DYNC1I1: variants seen among roughly 807,000 people sequenced by gnomAD.
The protein encoded by DYNC1I1 is dynein cytoplasmic 1 intermediate chain 1.
DYNC1I1 carries 43 observed loss-of-function variants against 86.6 expected under a neutral mutation model. That is an observed-to-expected ratio of 0.50 (90% CI 0.39 to 0.64). The LOEUF is 0.64. DYNC1I1 is among the 30% of genes least tolerant of loss of function. DYNC1I1 has a pLI of 0.00. For synonymous variants in DYNC1I1, 262 were observed against 283.7 expected (o/e 0.92, Z 0.77); for missense variants, 604 against 788.8 (o/e 0.77, Z 2.81).
chr7:96,003,663 T>C (rs558382727), intron 10 of DYNC1I1, among the ~76,000 whole-genome samples: 1 of 152,270 alleles, frequency 6.6e-6, no homozygotes, highest in East Asian at 1.9e-4. Context: ...GATATGTGCA[T>C]GGGGGCCCTC....
intron 14 of DYNC1I1, among the ~76,000 whole-genome samples, chr7:96,060,188 G>A (rs139528155): frequency 5.3e-5 from 8 of 152,192 alleles, no homozygotes; most frequent in Admixed American, 3.3e-4. Flanking sequence ...AGCCACCTTC[G>A]TGACCCTGTG....
At chr7:96,067,243 CAG>C (rs1374580791) in intron 14 of DYNC1I1, among the ~76,000 whole-genome samples, 3 of 152,102 alleles carry the variant, frequency 2.0e-5, no homozygotes, top group Non-Finnish European at 4.4e-5. Context: ...TACCAGATAA[CAG>C]AGTGCATTTT....
At chr7:95,974,226 G>A (rs1297504507) in intron 6 of DYNC1I1, among the ~76,000 whole-genome samples, 3 of 151,850 alleles carry the variant, frequency 2.0e-5, no homozygotes, top group African/African-American at 7.3e-5. Context: ...TTTTTTATTT[G>A]TTTTTGGTTT....
intron 9 of DYNC1I1, among the ~76,000 whole-genome samples, chr7:95,989,863 G>A (rs1793687111): frequency 6.6e-6 from 1 of 152,174 alleles, no homozygotes. Flanking sequence ...TCACAACACT[G>A]TTGAGGGGTT....
chr7:96,014,986 C>CT (rs2115871049), intron 10 of DYNC1I1, among the ~76,000 whole-genome samples: 1 of 152,182 alleles, frequency 6.6e-6, no homozygotes, highest in East Asian at 1.9e-4. Context: ...GAACACCTTC[C>CT]TTTTTTTCAA....
chr7:96,043,117 C>T (rs1341138402), intron 14 of DYNC1I1, among the ~76,000 whole-genome samples: 2 of 148,132 alleles, frequency 1.4e-5, no homozygotes, highest in South Asian at 2.1e-4. Flanking sequence ...TGTAGTGAAC[C>T]GAGATCGTGC....
At chr7:96,011,530 G>A (rs1445951169) in intron 10 of DYNC1I1, among the ~76,000 whole-genome samples, 1 of 152,120 alleles carries the variant, frequency 6.6e-6, no homozygotes, top group African/African-American at 2.4e-5. Context: ...TTGCTCAGGA[G>A]AATTTTCACC....
At chr7:95,843,675 G>A (rs760013211) in intron 5 of DYNC1I1, among the ~76,000 whole-genome samples, 24 of 151,770 alleles carry the variant, frequency 1.6e-4, no homozygotes, top group Non-Finnish European at 2.7e-4. Flanking sequence ...GCAGCAGAGA[G>A]AAAAAAGGGA....
At chr7:96,098,606 G>A (rs1791079977), downstream of DYNC1I1, among the ~76,000 whole-genome samples, 1 of 152,180 alleles carries the variant, frequency 6.6e-6, no homozygotes, top group Non-Finnish European at 1.5e-5. Context: ...GGGAATGTGT[G>A]TGGTTTTTTT....
intron 14 of DYNC1I1, among the ~76,000 whole-genome samples, chr7:96,066,348 C>A (rs967034558): frequency 6.6e-6 from 1 of 152,190 alleles, no homozygotes. Flanking sequence ...ACACCACTAC[C>A]ACCCCCAATC....
At chr7:96,022,056 A>C (rs1008577376) in intron 10 of DYNC1I1, among the ~76,000 whole-genome samples, 1 of 152,268 alleles carries the variant, frequency 6.6e-6, no homozygotes, top group Admixed American at 6.5e-5. Context: ...TGATAATTCT[A>C]TGTTTAACTT....
At chr7:95,977,422 C>G in intron 6 of DYNC1I1, 90 bp from the exon 7 acceptor site, 1 of 1,200,338 alleles carries the variant, frequency 8.3e-7, no homozygotes, top group Non-Finnish European at 1.2e-6. Flanking sequence ...ATGATTGGAA[C>G]TTTACCCTTT....
At chr7:96,090,238 G>T (rs936209927) in intron 16 of DYNC1I1, among the ~76,000 whole-genome samples, 3 of 150,702 alleles carry the variant, frequency 2.0e-5, no homozygotes, top group African/African-American at 7.3e-5. Context: ...TCGGATATTT[G>T]TTGTTGTTGT....
At chr7:96,064,500 G>A (rs1480521124) in intron 14 of DYNC1I1, among the ~76,000 whole-genome samples, 5 of 151,992 alleles carry the variant, frequency 3.3e-5, no homozygotes, top group South Asian at 2.1e-4. Context: ...ATCTTTTCCC[G>A]TGGTGTTCAA....
At chr7:95,856,929 A>G (rs991416598) in intron 5 of DYNC1I1, among the ~76,000 whole-genome samples, 2 of 152,146 alleles carry the variant, frequency 1.3e-5, no homozygotes, top group African/African-American at 4.8e-5. Context: ...CAATGAGCCA[A>G]GATCACATCA....
At chr7:96,057,350 GA>G (rs1043267403) in intron 14 of DYNC1I1, among the ~76,000 whole-genome samples, 7 of 151,674 alleles carry the variant, frequency 4.6e-5, no homozygotes, top group Non-Finnish European at 7.4e-5. Context: ...AGAAGTTAAA[GA>G]AAAAAAATGT....
At chr7:96,032,610 A>T (rs777593885) in intron 11 of DYNC1I1, 57 bp from the exon 12 acceptor site, 185 of 1,337,604 alleles carry the variant, frequency 1.4e-4, no homozygotes, top group Admixed American at 1.9e-4. Context: ...TTGACACTCA[A>T]ATGTAAGCAT....
At chr7:95,976,700 G>A (rs763697776) in intron 6 of DYNC1I1, among the ~76,000 whole-genome samples, 7 of 152,068 alleles carry the variant, frequency 4.6e-5, no homozygotes, top group South Asian at 2.1e-4. Context: ...TTTTTATGTC[G>A]TTTTATTTTC....
chr7:95,823,336 G>A (rs187504440), intron 4 of DYNC1I1, among the ~76,000 whole-genome samples: 1 of 152,158 alleles, frequency 6.6e-6, no homozygotes, highest in African/African-American at 2.4e-5. Flanking sequence ...TCCAATGCCT[G>A]GCTGGCTGGC....
Sources: gnomAD v4.1 joint callset for allele counts (sites outside exome capture counted in the v4.1 genomes callset) on GRCh38, gnomAD v4.1.1 for gene constraint, MANE v1.5 for transcripts, NCBI Gene and HGNC (gene_info 2026-07-23, HGNC 2026-07-21) for gene names.